The following AKAP6 variants were observed in gnomAD, a reference collection of about 807,000 sequenced individuals.
The protein encoded by AKAP6 is A-kinase anchor protein 6.
A neutral mutation model predicts 188.5 loss-of-function variants in AKAP6; 58 were observed. The observed-to-expected ratio is 0.31, with a 90% CI of 0.25 to 0.38. AKAP6 has a LOEUF of 0.38. Ranked by LOEUF, AKAP6 falls within the 10% of genes least tolerant of loss-of-function variation. AKAP6 has a pLI of 1.00. For synonymous variants in AKAP6, 989 were observed against 998.6 expected (o/e 0.99, Z 0.18); for missense variants, 2,710 against 2,740.0 (o/e 0.99, Z 0.24).
At chr14:32,742,316 C>T (rs1038879034) in intron 11 of AKAP6, among the ~76,000 whole-genome samples, 4 of 147,752 alleles carry the variant, frequency 2.7e-5, no homozygotes, top group African/African-American at 9.8e-5. Flanking sequence ...AAAAAAATGA[C>T]TTTTTATTTC....
At chr14:32,362,511 G>T (rs1459500724) in intron 1 of AKAP6, among the ~76,000 whole-genome samples, 1 of 152,200 alleles carries the variant, frequency 6.6e-6, no homozygotes, top group Non-Finnish European at 1.5e-5. Context: ...AGGAAAAGGT[G>T]TGTGTGTGCA....
chr14:32,594,534 C>T (rs1351432676), intron 5 of AKAP6, among the ~76,000 whole-genome samples: 1 of 152,126 alleles, frequency 6.6e-6, no homozygotes, highest in Non-Finnish European at 1.5e-5. Flanking sequence ...ATTTTGAGGA[C>T]TGGTACCTCT....
intron 5 of AKAP6, among the ~76,000 whole-genome samples, chr14:32,592,496 T>G (rs1028525694): frequency 1.3e-5 from 2 of 151,938 alleles, no homozygotes; most frequent in Non-Finnish European, 2.9e-5. Flanking sequence ...CCAGCCAGAG[T>G]AGAATCGGAG....
chr14:32,501,798 C>T (rs1880621911), intron 2 of AKAP6, among the ~76,000 whole-genome samples: 1 of 152,068 alleles, frequency 6.6e-6, no homozygotes. Context: ...GTCCTTCAAC[C>T]TCCCCTTTAA....
intron 4 of AKAP6, among the ~76,000 whole-genome samples, chr14:32,547,843 C>CAAAA (rs11342356): frequency 7.4e-6 from 1 of 136,032 alleles, no homozygotes. Context: ...GACCCTGTCT[C>CAAAA]AAAAAAAAAA....
Position 32,574,520 on chromosome 14 carries a change from T to G in AKAP6, c.2347-2600T>G, listed in dbSNP as rs536922267. ...ACTAACTTTTATGATGAAGCAACCA[T>G]GCACTGACATACACACACAGGTTAT... On this transcript the variant is annotated intron_variant, in intron 4 of 13. Transcript: ENST00000280979. 1.2e-3 allele frequency among the ~76,000 whole-genome samples: 190 copies of G among 152,316 alleles called. 4 individuals are homozygous for G. In the South Asian group the frequency reaches 0.039, roughly 31 times the overall value.
intron 2 of AKAP6, among the ~76,000 whole-genome samples, chr14:32,440,652 T>C (rs1474320252): frequency 1.3e-5 from 2 of 152,204 alleles, no homozygotes; most frequent in African/African-American, 4.8e-5. Flanking sequence ...GGAAATGTAA[T>C]CTGGTGCTGT....
At chr14:32,623,704 T>C (rs570171014) in intron 7 of AKAP6, among the ~76,000 whole-genome samples, 1 of 151,902 alleles carries the variant, frequency 6.6e-6, no homozygotes, top group African/African-American at 2.4e-5. Context: ...CAGAAGAGAG[T>C]GAGAGAAGGA....
chr14:32,440,227 C>T (rs929070210), intron 2 of AKAP6, among the ~76,000 whole-genome samples: 2 of 151,312 alleles, frequency 1.3e-5, no homozygotes, highest in Non-Finnish European at 2.9e-5. Flanking sequence ...ATATGTGCCA[C>T]ATTTTCTTAA....
intron 4 of AKAP6, among the ~76,000 whole-genome samples, chr14:32,559,258 G>C (rs1328468886): frequency 1.3e-5 from 2 of 152,196 alleles, no homozygotes; most frequent in Non-Finnish European, 2.9e-5. Context: ...TAAATGGGGA[G>C]TGATGGGACT....
At chr14:32,817,445 G>A (rs2034409419) in intron 12 of AKAP6, among the ~76,000 whole-genome samples, 3 of 148,840 alleles carry the variant, frequency 2.0e-5, no homozygotes, top group Admixed American at 6.8e-5. Flanking sequence ...GAGCAGATCT[G>A]TATAGCTGTG....
chr14:32,680,170 T>C (rs2139645096), intron 8 of AKAP6, among the ~76,000 whole-genome samples: 1 of 152,254 alleles, frequency 6.6e-6, no homozygotes, highest in African/African-American at 2.4e-5. Context: ...TGAACTTGCC[T>C]GATATCCTTT....
intron 9 of AKAP6, among the ~76,000 whole-genome samples, chr14:32,713,536 T>C (rs560242463): frequency 6.6e-6 from 1 of 152,178 alleles, no homozygotes; most frequent in East Asian, 1.9e-4. Flanking sequence ...CCTTTATCAA[T>C]GATCTTAGCT....
At chr14:32,666,474 CT>C in intron 7 of AKAP6, among the ~76,000 whole-genome samples, 1 of 152,030 alleles carries the variant, frequency 6.6e-6, no homozygotes, top group Middle Eastern at 3.4e-3. Flanking sequence ...CAGGACAATT[CT>C]TTTTTTCCCC....
intron 10 of AKAP6, chr14:32,733,020 TG>T: frequency 8.7e-6 from 2 of 230,958 alleles, no homozygotes; most frequent in Non-Finnish European, 8.4e-6. Flanking sequence ...AAAGTGGAGT[TG>T]TCACTACAGC....
In AKAP6 at chr14:32,678,382, C is replaced by T. The variant is rs780876876; in HGVS notation, c.2802C>T (p.Ser934=). The T allele has an allele frequency of 2.8e-5, 45 of 1,613,692 alleles. No homozygotes were observed. The highest frequency in any genetic ancestry group is 1.1e-4 in the African/African-American group (8 of 74,896). The change falls in exon 8 of 14, where the codon AGC becomes AGT. Residue 934 remains serine, a synonymous_variant. Transcript: ENST00000280979. The part of the protein sequence containing the change: ...AVEQMSLKLY[S]EQYTSSSKRK... ...AGCAGATGTCCCTCAAGCTGTACAG[C>T]GAGCAGTATACCAGCAGCAGCAAGC...
At chr14:32,719,818 A>T (rs1012282609) in intron 9 of AKAP6, among the ~76,000 whole-genome samples, 4 of 152,050 alleles carry the variant, frequency 2.6e-5, no homozygotes, top group African/African-American at 7.2e-5. Flanking sequence ...TGAATTTCCA[A>T]TTTTCAGAGA....
chr14:32,730,419 A>T lies in AKAP6; in HGVS notation c.3001-2035A>T, dbSNP rs922116933. Among the ~76,000 whole-genome samples the T allele has an allele frequency of 2.1e-4, 32 of 152,196 alleles. 1 individual carries two copies. Among genetic ancestry groups the T allele is most frequent in the Admixed American group, 2.0e-3 (30 of 15,278 alleles). ...TACTTATACGCATTTAACAGAGAAG[A>T]TTGGTTTATTACATCTAAAATTAAA... On this transcript the variant is annotated intron_variant, in intron 9 of 13. Transcript: ENST00000280979.
At chr14:32,514,310 C>T (rs1488588220) in intron 2 of AKAP6, among the ~76,000 whole-genome samples, 3 of 152,196 alleles carry the variant, frequency 2.0e-5, no homozygotes, top group Non-Finnish European at 2.9e-5. Flanking sequence ...TCTCAACAGA[C>T]ATACTGTAGT....
Sources: gnomAD v4.1 joint callset for allele counts (sites outside exome capture counted in the v4.1 genomes callset) on GRCh38, gnomAD v4.1.1 for gene constraint, MANE v1.5 for transcripts, NCBI Gene and HGNC (gene_info 2026-07-23, HGNC 2026-07-21) for gene names.